Variants in ASCC1 observed in about 807,000 individuals in gnomAD.
ASCC1 encodes the protein ASC-1 complex subunit P50.
In ASCC1, 35 loss-of-function variants were observed where a neutral mutation model predicts 46.6. That is an observed-to-expected ratio of 0.75 (90% confidence interval 0.57 to 0.99). The LOEUF (loss-of-function observed/expected upper bound fraction) is 0.99. Among genes scored for constraint, ASCC1 ranks in the 50% least tolerant of loss-of-function variants. The pLI is 0.00. For synonymous variants in ASCC1, 143 were observed against 146.6 expected (o/e 0.98, Z 0.18); for missense variants, 376 against 428.7 (o/e 0.88, Z 1.09).
chr10:72,157,939 T>C (rs1036252781), intron 6 of ASCC1, among the ~76,000 whole-genome samples: 3 of 152,218 alleles, frequency 2.0e-5, no homozygotes, highest in Admixed American at 6.5e-5. Flanking sequence ...AGATAGAATT[T>C]TCTCCCTATA....
At chr10:72,133,523 G>T in intron 7 of ASCC1, 3 of 272,134 alleles carry the variant, frequency 1.1e-5, no homozygotes, top group South Asian at 4.1e-5. Flanking sequence ...GGGAAGGAGG[G>T]GCACTTCAAG....
At chr10:72,108,424 G>C (rs2131983880) in intron 9 of ASCC1, among the ~76,000 whole-genome samples, 1 of 152,230 alleles carries the variant, frequency 6.6e-6, no homozygotes, top group Middle Eastern at 3.4e-3. Flanking sequence ...GTACAGAAAA[G>C]AAAACAAACT....
chr10:72,183,490 T>C (rs948273656), intron 5 of ASCC1, among the ~76,000 whole-genome samples: 3 of 151,892 alleles, frequency 2.0e-5, no homozygotes, highest in Non-Finnish European at 4.4e-5. Flanking sequence ...AAGGCCCATC[T>C]CTACAAAAAT....
intron 6 of ASCC1, among the ~76,000 whole-genome samples, chr10:72,160,726 TA>T (rs1849553431): frequency 7.3e-6 from 1 of 137,164 alleles, no homozygotes; most frequent in Non-Finnish European, 1.6e-5. Flanking sequence ...AAAATAATAA[TA>T]AAAAAAGTTT....
intron 3 of ASCC1, among the ~76,000 whole-genome samples, chr10:72,209,165 T>TA (rs35847135): frequency 0.031 from 4,306 of 139,722 alleles, 186 homozygotes; most frequent in African/African-American, 0.094. Context: ...GCCCTGTCTT[T>TA]AAAAAAAAAA....
intron 7 of ASCC1, among the ~76,000 whole-genome samples, chr10:72,146,229 C>T (rs1847609054): frequency 1.3e-5 from 2 of 152,154 alleles, no homozygotes; most frequent in Non-Finnish European, 2.9e-5. Flanking sequence ...TGCCATCTGC[C>T]TCTTGTGGAT....
chr10:72,193,411 T>A (rs1235995023), intron 5 of ASCC1, among the ~76,000 whole-genome samples: 1 of 150,794 alleles, frequency 6.6e-6, no homozygotes, highest in Non-Finnish European at 1.5e-5. Flanking sequence ...CTATATGACA[T>A]TCTCAAAAAG....
At chr10:72,190,137 T>C (rs983208239) in intron 5 of ASCC1, 4 of 761,678 alleles carry the variant, frequency 5.3e-6, no homozygotes, top group Non-Finnish European at 4.8e-6. Flanking sequence ...AGGATTCATG[T>C]TCGCTGTGGT....
chr10:72,210,863 A>C (rs765213080), intron 2 of ASCC1, 32 bp from the exon 3 acceptor site: 2 of 1,604,230 alleles, frequency 1.2e-6, no homozygotes, highest in Non-Finnish European at 1.7e-6. Flanking sequence ...TCACTCAGAA[A>C]CAATGTTGCT....
chr10:72,126,986 G>A (rs1444285374), intron 9 of ASCC1, among the ~76,000 whole-genome samples: 1 of 152,206 alleles, frequency 6.6e-6, no homozygotes, highest in East Asian at 1.9e-4. Context: ...TCCATGGTAA[G>A]CAGTCACAGC....
chr10:72,114,348 G>T (rs1843252243), intron 9 of ASCC1, among the ~76,000 whole-genome samples: 1 of 152,168 alleles, frequency 6.6e-6, no homozygotes, highest in African/African-American at 2.4e-5. Flanking sequence ...ATAAATGGCT[G>T]GGCGTGGTGG....
intron 9 of ASCC1, among the ~76,000 whole-genome samples, chr10:72,103,492 AT>A (rs1362196995): frequency 1.3e-5 from 2 of 152,088 alleles, no homozygotes; most frequent in East Asian, 3.8e-4. Flanking sequence ...GGCTTAAGTA[AT>A]TTGCCTAAAG....
intron 7 of ASCC1, among the ~76,000 whole-genome samples, chr10:72,141,186 G>T (rs547960210): frequency 6.6e-6 from 1 of 152,162 alleles, no homozygotes; most frequent in South Asian, 2.1e-4. Context: ...ATAACGACTG[G>T]TAAATTGTTT....
At chr10:72,155,903 T>A (rs972942101) in intron 6 of ASCC1, among the ~76,000 whole-genome samples, 1 of 152,228 alleles carries the variant, frequency 6.6e-6, no homozygotes, top group Non-Finnish European at 1.5e-5. Context: ...CCATGACTTA[T>A]ACAAAATGGG....
At position 72,148,281 on chromosome 10, in the gene ASCC1, CA is replaced by C. The variant is rs533911099; in HGVS notation, c.746+4587del. Among the ~76,000 whole-genome samples the C allele has an allele frequency of 4.7e-3, 711 of 151,904 alleles. 7 individuals are homozygous for C. Among genetic ancestry groups the C allele is most frequent in the African/African-American group, 0.016 (679 of 41,438 alleles). On this transcript the variant is annotated intron_variant, in intron 7 of 9. Transcript: ENST00000672957. ...TGTGTTCCTTTTGGAAAAAGAAATA[CA>C]AAAAGTAAAAGAAAATTTAAAAAAA...
chr10:72,209,166 A>C (rs1044063681), intron 3 of ASCC1, among the ~76,000 whole-genome samples: 1 of 132,410 alleles, frequency 7.6e-6, no homozygotes, highest in Non-Finnish European at 1.6e-5. Flanking sequence ...CCCTGTCTTT[A>C]AAAAAAAAAA....
chr10:72,208,981 T>C (rs1323563993), intron 3 of ASCC1, among the ~76,000 whole-genome samples: 9 of 151,984 alleles, frequency 5.9e-5, no homozygotes, highest in Non-Finnish European at 1.3e-4. Flanking sequence ...CTGGGCAATA[T>C]GGAGAAACCC....
chr10:72,216,213 G>A lies in ASCC1; in HGVS notation c.-40C>T, dbSNP rs914042333. The A allele has an allele frequency of 3.9e-5, 6 of 155,434 alleles. No homozygotes were observed. The highest frequency in any genetic ancestry group is 5.7e-5 in the Non-Finnish European group (4 of 70,024). The allele number at this position is 155,434 out of a possible 1,614,324, so 9.6% of individuals were successfully genotyped here. A position where few individuals can be genotyped will look rare whatever the true frequency, so the allele number is the denominator to read the frequency against. ...TTAACCCCCAGGATCCTACCTGCAGGGACTAGAAAAATGGAGAAGGTAGGA... is the reference window on the plus strand; with the variant it reads ...TTAACCCCCAGGATCCTACCTGCAGAGACTAGAAAAATGGAGAAGGTAGGA... On this transcript the variant is annotated 5_prime_UTR_variant, in exon 1 of 10. Coordinates refer to ENST00000672957, the MANE Select transcript of ASCC1 (RefSeq NM_001198800.3).
chr10:72,125,767 A>C lies in ASCC1; in HGVS notation c.957+2315T>G, dbSNP rs1318693730. The stretch of plus-strand genomic sequence containing the variant: ...ATACTATACTAAAGGATACGTCATC[A>C]TAACTATCTGTGGTCAAAGGCACTT... On this transcript the variant is annotated intron_variant, in intron 9 of 9. Transcript: ENST00000672957. 4.6e-5 allele frequency among the ~76,000 whole-genome samples: 7 copies of C among 152,226 alleles called. No individual in the cohort carries two copies. The East Asian group carries it at 9.6e-4, about 21-fold the overall frequency.
Sources: allele counts gnomAD v4.1 joint callset (sites outside exome capture counted in the v4.1 genomes callset), GRCh38; gene constraint gnomAD v4.1.1; transcripts MANE v1.5; gene names NCBI Gene and HGNC (gene_info 2026-07-23, HGNC 2026-07-21).